CD200: variants seen among roughly 807,000 people sequenced by gnomAD.
The protein encoded by CD200 is CD200 molecule, also known as OX-2 membrane glycoprotein.
A neutral mutation model predicts 30.9 loss-of-function variants in CD200; 15 were observed. The ratio of observed to expected loss-of-function variants is 0.49; its 90% confidence interval spans 0.32 to 0.75. CD200 has a LOEUF of 0.75. Among genes scored for constraint, CD200 ranks in the 30% least tolerant of loss-of-function variants. The pLI is 0.03. For missense variants in CD200, 262 were observed against 324.2 expected, an observed-to-expected ratio of 0.81 and a Z score of 1.47; for synonymous variants, 134 against 126.2, an observed-to-expected ratio of 1.06 and a Z score of -0.41.
At chr3:112,335,067 A>G (rs1013476556) in intron 1 of CD200, among the ~76,000 whole-genome samples, 5 of 152,254 alleles carry the variant, frequency 3.3e-5, no homozygotes, top group Non-Finnish European at 7.3e-5. Context: ...AGCTGAAAAT[A>G]AAACAAAATG....
intron 5 of CD200, among the ~76,000 whole-genome samples, chr3:112,353,551 C>T (rs1400307844): frequency 3.3e-5 from 5 of 152,040 alleles, no homozygotes; most frequent in African/African-American, 1.2e-4. Context: ...GTTAATAAAA[C>T]GTCATTTCCT....
intron 1 of CD200, among the ~76,000 whole-genome samples, chr3:112,334,745 G>C (rs2081074414): frequency 7.3e-6 from 1 of 137,580 alleles, no homozygotes; most frequent in African/African-American, 2.5e-5. Flanking sequence ...GCACAGACTC[G>C]AGGAAAAAAA....
intron 3 of CD200, among the ~76,000 whole-genome samples, chr3:112,346,755 A>G (rs2081404843): frequency 6.6e-6 from 1 of 152,218 alleles, no homozygotes; most frequent in Non-Finnish European, 1.5e-5. Flanking sequence ...AAAGCCAACC[A>G]CAGAAAGACA....
intron 5 of CD200, among the ~76,000 whole-genome samples, chr3:112,357,927 T>C (rs1386987706): frequency 6.6e-6 from 1 of 152,174 alleles, no homozygotes; most frequent in Admixed American, 6.5e-5. Context: ...TATGCATACA[T>C]TTAAGAAACA....
chr3:112,332,956 C>G, upstream of CD200: 1 of 558,416 alleles, frequency 1.8e-6, no homozygotes, highest in Non-Finnish European at 3.1e-6. Flanking sequence ...TGTCAGTTTC[C>G]CCAGCGGTCA....
At chr3:112,343,487 A>C (rs2081315604) in intron 2 of CD200, among the ~76,000 whole-genome samples, 1 of 152,032 alleles carries the variant, frequency 6.6e-6, no homozygotes, top group African/African-American at 2.4e-5. Context: ...CATTTCTTGT[A>C]GAGATAAGGG....
intron 5 of CD200, among the ~76,000 whole-genome samples, chr3:112,359,744 TA>T (rs1455118346): frequency 6.6e-6 from 1 of 152,150 alleles, no homozygotes; most frequent in East Asian, 1.9e-4. Context: ...GATGACAGGT[TA>T]GGGGGACAGC....
At chr3:112,339,970 G>T (rs1029554769) in intron 1 of CD200, among the ~76,000 whole-genome samples, 3 of 152,142 alleles carry the variant, frequency 2.0e-5, no homozygotes, top group African/African-American at 7.2e-5. Flanking sequence ...ACAATTATGG[G>T]GTATTGTGGT....
intron 5 of CD200, among the ~76,000 whole-genome samples, chr3:112,354,107 C>T (rs920700899): frequency 6.6e-6 from 1 of 152,128 alleles, no homozygotes; most frequent in Middle Eastern, 3.2e-3. Flanking sequence ...GACATTCTTG[C>T]CTGGAGCTGT....
chr3:112,349,225 T>G (rs1237415651), intron 4 of CD200, among the ~76,000 whole-genome samples: 1 of 152,208 alleles, frequency 6.6e-6, no homozygotes, highest in Non-Finnish European at 1.5e-5. Context: ...TACCAAAAAC[T>G]TTGAGATGAG....
At chr3:112,361,502 A>G (rs373996334) in intron 5 of CD200, 41 bp from the exon 6 acceptor site, 13 of 1,486,852 alleles carry the variant, frequency 8.7e-6, no homozygotes, top group Admixed American at 8.4e-5. Flanking sequence ...GATAGAATTT[A>G]CAAGTGTCCA....
At position 112,361,731 on chromosome 3, in the gene CD200, A is replaced by G. The variant is rs1433924803; in HGVS notation, c.*181A>G. 4 of 666,944 alleles carry G rather than the reference A, an allele frequency of 6.0e-6. No individual in the cohort carries two copies. Among genetic ancestry groups the G allele is most frequent in the Admixed American group, 5.1e-5 (2 of 39,580 alleles). The allele number at this position is 666,944 out of a possible 1,614,324, so 41.3% of individuals were successfully genotyped here. On this transcript the variant is annotated 3_prime_UTR_variant, in exon 6 of 6. Coordinates refer to ENST00000315711, the MANE Select transcript of CD200 (RefSeq NM_005944.7). ...CTGAGCTACTCAGTGTTTGAATCCC[A>G]AGAGGAAGTCAGTTTACCTCTCAGG...
chr3:112,349,292 A>C (rs561227758), intron 4 of CD200, among the ~76,000 whole-genome samples: 1 of 152,312 alleles, frequency 6.6e-6, no homozygotes, highest in Non-Finnish European at 1.5e-5. Context: ...ACTTCTCTGC[A>C]TTTTCCACAA....
chr3:112,347,135 G>A (rs2108451101), intron 3 of CD200, among the ~76,000 whole-genome samples: 1 of 152,318 alleles, frequency 6.6e-6, no homozygotes, highest in Non-Finnish European at 1.5e-5. Context: ...GATAGGTACA[G>A]GACACATGTA....
At position 112,347,744 on chromosome 3, in the gene CD200, A is replaced by AC; in HGVS notation, c.611dup (p.Lys205Ter). 1 of 1,613,790 alleles carries AC rather than the reference A, an allele frequency of 6.2e-7. No individual in the cohort carries two copies. Among genetic ancestry groups the AC allele is most frequent in the Non-Finnish European group, 8.5e-7 (1 of 1,179,892 alleles). On this transcript the variant is annotated frameshift_variant, in exon 4 of 6. Coordinates refer to ENST00000315711, the MANE Select transcript of CD200 (RefSeq NM_005944.7). LOFTEE classifies it high-confidence loss of function. ...GTTACCAGCATCCTCCATATCAAAG[A>AC]CCCTAAGAATCAGGTGGGGAAGGAG... is the stretch of plus-strand genomic sequence containing the variant.
At chr3:112,340,151 A>AAAAGTT (rs1167944028) in intron 1 of CD200, among the ~76,000 whole-genome samples, 1 of 152,238 alleles carries the variant, frequency 6.6e-6, no homozygotes, top group African/African-American at 2.4e-5. Context: ...AAATAAAGGA[A>AAAAGTT]AAAGTTACAT....
chr3:112,333,274 A>T (rs963003351), intron 1 of CD200, 50 bp downstream of exon 1: 1 of 1,537,728 alleles, frequency 6.5e-7, no homozygotes, highest in Non-Finnish European at 8.8e-7. Context: ...GGCGATGTTG[A>T]GCCGGTGGCC....
In CD200 at chr3:112,360,358, T is replaced by C. The variant is rs142565017; in HGVS notation, c.803-1185T>C. Among the ~76,000 whole-genome samples, 538 of 151,206 alleles carry C rather than the reference T, an allele frequency of 3.6e-3. 5 individuals are homozygous for C. The highest frequency in any genetic ancestry group is 0.012 in the African/African-American group (496 of 40,848). On this transcript the variant is annotated intron_variant, in intron 5 of 5. Transcript: ENST00000315711. ...AATATATATATATATGTATATATTT[T>C]AGAGCAGTGTTACTCCCAATATGGT...
At position 112,347,614 on chromosome 3, in the gene CD200, T is replaced by C; in HGVS notation, c.478T>C (p.Cys160Arg). The change falls in exon 4 of 6, where the codon TGC (cysteine) becomes CGC (arginine). Residue 160 changes from cysteine to arginine, a missense_variant. By Grantham distance (180) the Cys-to-Arg change is radical. Transcript: ENST00000315711. ...CTCTGAAGACCACCTAAATATCACT[T>C]GCTCTGCCACTGCCCGCCCAGCCCC... ...KFSEDHLNIT[C>R]SATARPAPMV... The C allele has an allele frequency of 6.2e-7, 1 of 1,614,004 alleles. No homozygotes were observed. The highest frequency in any genetic ancestry group is 2.2e-5 in the East Asian group (1 of 44,886).
Sources: allele counts gnomAD v4.1 joint callset (sites outside exome capture counted in the v4.1 genomes callset), GRCh38; gene constraint gnomAD v4.1.1; transcripts MANE v1.5; gene names NCBI Gene and HGNC (gene_info 2026-07-23, HGNC 2026-07-21).